The following SUCLG2 variants were observed in gnomAD, a reference collection of about 807,000 sequenced individuals.
SUCLG2 encodes the protein succinate-CoA ligase GDP-forming subunit beta.
Under a neutral mutation model 47.9 loss-of-function variants are expected in SUCLG2, and 42 were observed. The ratio of observed to expected loss-of-function variants is 0.88; its 90% CI spans 0.69 to 1.14. SUCLG2 has a LOEUF of 1.14. SUCLG2 is among the 50% of genes most tolerant of loss of function. SUCLG2 has a pLI of 0.00. For missense variants in SUCLG2, 571 were observed against 525.9 expected, an observed-to-expected ratio of 1.09 and a Z score of -0.84; for synonymous variants, 195 against 197.3, an observed-to-expected ratio of 0.99 and a Z score of 0.10.
chr3:67,654,600 C>T lies in SUCLG2; in HGVS notation c.-14G>A. 2.4e-6 allele frequency: 3 copies of T among 1,269,264 alleles called. No homozygotes were observed. Among genetic ancestry groups the T allele is most frequent in the Non-Finnish European group, 3.0e-6 (3 of 1,005,548 alleles). 78.6% of individuals were successfully genotyped at this position (1,269,264 alleles called of 1,614,324 possible). A position where few individuals can be genotyped will look rare whatever the true frequency, so the allele number is the denominator to read the frequency against. ...GGGGGACGCCATCTTAAACAGGAAA[C>T]TCGGCACGGGGCAGTAGGGCGGGCG... On this transcript the variant is annotated 5_prime_UTR_variant, in exon 1 of 11. Transcript: ENST00000307227.
chr3:67,636,874 C>T (rs1442263188), intron 1 of SUCLG2, among the ~76,000 whole-genome samples: 1 of 151,450 alleles, frequency 6.6e-6, no homozygotes, highest in Non-Finnish European at 1.5e-5. Context: ...TATAAACGTT[C>T]AGACCCAAAA....
chr3:67,401,720 C>G (rs1702687900), intron 9 of SUCLG2, among the ~76,000 whole-genome samples: 1 of 152,046 alleles, frequency 6.6e-6, no homozygotes, highest in African/African-American at 2.4e-5. Flanking sequence ...AATGGCTGTT[C>G]ATGAAGCTGG....
intron 1 of SUCLG2, among the ~76,000 whole-genome samples, chr3:67,649,434 G>T (rs192459172): frequency 9.2e-4 from 140 of 152,270 alleles, no homozygotes; most frequent in Admixed American, 2.9e-3. Context: ...ATATTTGTTT[G>T]ATTTTTCAGT....
intron 10 of SUCLG2, among the ~76,000 whole-genome samples, chr3:67,399,084 A>G (rs141753358): frequency 0.023 from 3,412 of 150,830 alleles, 146 homozygotes; most frequent in African/African-American, 0.079. Context: ...TGACGAGTTA[A>G]TCGGTGCAGC....
chr3:67,617,126 C>T (rs555611438), intron 1 of SUCLG2, among the ~76,000 whole-genome samples: 1 of 152,244 alleles, frequency 6.6e-6, no homozygotes, highest in Non-Finnish European at 1.5e-5. Flanking sequence ...AATGAAAAGA[C>T]AGATATAACT....
Position 67,644,740 on chromosome 3 carries a change from A to G in SUCLG2, c.84+9763T>C, listed in dbSNP as rs186270767. Among the ~76,000 whole-genome samples, 555 of 152,110 alleles carry G rather than the reference A, an allele frequency of 3.6e-3. 3 individuals carry two copies. Among genetic ancestry groups the G allele is most frequent in the African/African-American group, 0.013 (532 of 41,540 alleles). On this transcript the variant is annotated intron_variant, in intron 1 of 10. Transcript: ENST00000307227. Reference sequence around the variant, plus strand: ...AATATACACATTCATATTTTTTAGTATCTTTAGAAGCTTTGGAAATCAAAA... The same window carrying G: ...AATATACACATTCATATTTTTTAGTGTCTTTAGAAGCTTTGGAAATCAAAA...
chr3:67,551,354 T>G (rs1707009267), intron 2 of SUCLG2, among the ~76,000 whole-genome samples: 1 of 152,176 alleles, frequency 6.6e-6, no homozygotes, highest in Admixed American at 6.5e-5. Context: ...TTTTGATAGT[T>G]TGTTTTGACC....
intron 2 of SUCLG2, among the ~76,000 whole-genome samples, chr3:67,553,557 A>ATT (rs1464356699): frequency 1.3e-5 from 2 of 152,172 alleles, no homozygotes; most frequent in Non-Finnish European, 2.9e-5. Flanking sequence ...TACAAATTTA[A>ATT]TTTAATTTTT....
chr3:67,595,656 G>T (rs1310599960), intron 2 of SUCLG2, among the ~76,000 whole-genome samples: 3 of 152,096 alleles, frequency 2.0e-5, no homozygotes, highest in Non-Finnish European at 2.9e-5. Context: ...AAGCTCCATT[G>T]TGCCTGGGCC....
At chr3:67,373,587 T>A (rs920572266), downstream of SUCLG2, among the ~76,000 whole-genome samples, 2 of 152,144 alleles carry the variant, frequency 1.3e-5, no homozygotes, top group Non-Finnish European at 2.9e-5. Flanking sequence ...ACAAAAATTA[T>A]TGTAAATGAA....
intron 2 of SUCLG2, among the ~76,000 whole-genome samples, chr3:67,565,012 T>C (rs1707412757): frequency 6.6e-6 from 1 of 152,132 alleles, no homozygotes; most frequent in Non-Finnish European, 1.5e-5. Flanking sequence ...ATACATTAAG[T>C]TTTCAAACTG....
chr3:67,545,570 G>C (rs1340889886), intron 2 of SUCLG2, among the ~76,000 whole-genome samples: 1 of 152,166 alleles, frequency 6.6e-6, no homozygotes, highest in Non-Finnish European at 1.5e-5. Flanking sequence ...TTACATCCTG[G>C]AGGATGAAAC....
At chr3:67,398,719 C>T (rs1702610063) in intron 10 of SUCLG2, among the ~76,000 whole-genome samples, 1 of 152,152 alleles carries the variant, frequency 6.6e-6, no homozygotes, top group South Asian at 2.1e-4. Flanking sequence ...GACACATGCA[C>T]ACATATGTTT....
chr3:67,605,843 CT>C (rs1490195919), intron 2 of SUCLG2, among the ~76,000 whole-genome samples: 3 of 152,196 alleles, frequency 2.0e-5, no homozygotes, highest in South Asian at 2.1e-4. Context: ...TTTATTGTCT[CT>C]TTTTTTCCCT....
intron 1 of SUCLG2, among the ~76,000 whole-genome samples, chr3:67,638,935 T>G (rs1359189277): frequency 6.6e-6 from 1 of 152,150 alleles, no homozygotes; most frequent in Non-Finnish European, 1.5e-5. Context: ...GGGAAGGTTA[T>G]AGGAAGAACT....
chr3:67,510,064 G>GCTCTAGCTTAAAGTA (rs1156707880), intron 6 of SUCLG2, among the ~76,000 whole-genome samples: 1 of 152,184 alleles, frequency 6.6e-6, no homozygotes, highest in African/African-American at 2.4e-5. Flanking sequence ...GCCCACCAGG[G>GCTCTAGCTTAAAGTA]CTCTAGCTTC....
At chr3:67,588,274 G>C (rs1590875) in intron 2 of SUCLG2, among the ~76,000 whole-genome samples, 68,907 of 152,006 alleles carry the variant, frequency 0.45, 16,697 homozygotes, top group Admixed American at 0.54. Context: ...CTACTTGTAA[G>C]TCCTTTGCTA....
intron 1 of SUCLG2, among the ~76,000 whole-genome samples, chr3:67,648,610 A>C (rs1236179930): frequency 1.3e-5 from 2 of 152,208 alleles, no homozygotes; most frequent in Non-Finnish European, 2.9e-5. Context: ...GGAGACTGTG[A>C]AATCTCCCCT....
chr3:67,488,917 C>T (rs1705134400), intron 9 of SUCLG2, among the ~76,000 whole-genome samples: 2 of 152,100 alleles, frequency 1.3e-5, no homozygotes, highest in South Asian at 4.1e-4. Context: ...ATTTACTAAG[C>T]CCCAAATCTG....
Sources: allele counts gnomAD v4.1 joint callset (sites outside exome capture counted in the v4.1 genomes callset), GRCh38; gene constraint gnomAD v4.1.1; transcripts MANE v1.5; gene names NCBI Gene and HGNC (gene_info 2026-07-23, HGNC 2026-07-21).